CPSF4: variants seen among roughly 807,000 people sequenced by gnomAD.
The protein encoded by CPSF4 is cleavage and polyadenylation specific factor 4.
Under a neutral mutation model 37.7 loss-of-function variants are expected in CPSF4, and 11 were observed. The observed-to-expected ratio is 0.29, with a 90% CI of 0.18 to 0.48. The LOEUF (loss-of-function observed/expected upper bound fraction) is 0.48, where lower values mean the gene tolerates loss of function less well. CPSF4 is among the 20% of genes least tolerant of loss of function. The pLI is 0.99. For missense variants in CPSF4, 144 were observed against 359.5 expected (o/e 0.40, Z 4.85); for synonymous variants, 132 against 135.9 (o/e 0.97, Z 0.20).
At chr7:99,447,839 T>C in intron 2 of CPSF4, 1 of 502,914 alleles carries the variant, frequency 2.0e-6, no homozygotes. Context: ...CTCGATCTCC[T>C]GACCTTGTGA....
At position 99,439,190 on chromosome 7, in the gene CPSF4, G is replaced by T; in HGVS notation, c.103+5G>T. 6.3e-7 allele frequency: 1 copy of T among 1,594,986 alleles called. No individual in the cohort carries two copies. Among genetic ancestry groups the T allele is most frequent in the Non-Finnish European group, 8.5e-7 (1 of 1,173,950 alleles). On this transcript the variant is annotated splice_donor_5th_base_variant and intron_variant, in intron 1 of 7. Transcript: ENST00000292476. ...TGCCCTTCCCCGGCATGGACAGTGAGCGCGGGGCCCGGGCGGGAGGGCAAG... is the reference window on the plus strand; with the variant it reads ...TGCCCTTCCCCGGCATGGACAGTGATCGCGGGGCCCGGGCGGGAGGGCAAG...
chr7:99,439,299 A>C (rs1341483318), intron 1 of CPSF4, 114 bp downstream of exon 1: 4 of 697,438 alleles, frequency 5.7e-6, no homozygotes, highest in African/African-American at 3.7e-5. Context: ...CTTCCTCTGG[A>C]TCCTGGGACC....
chr7:99,454,375 G>C, intron 7 of CPSF4, among the ~76,000 whole-genome samples: 1 of 152,212 alleles, frequency 6.6e-6, no homozygotes, highest in East Asian at 1.9e-4. Context: ...GTGAATGGAC[G>C]GGGCCTGCAG....
At chr7:99,441,620 C>T in intron 1 of CPSF4, 1 of 434,734 alleles carries the variant, frequency 2.3e-6, no homozygotes, top group South Asian at 1.6e-5. Flanking sequence ...AGACTCAGTT[C>T]CCAGAACTGT....
chr7:99,448,459 C>CA lies in CPSF4; in HGVS notation c.307+186_307+187insA. The CA allele has an allele frequency of 9.3e-6, 3 of 320,912 alleles. No individual in the cohort carries two copies. Among genetic ancestry groups the CA allele is most frequent in the Middle Eastern group, 9.3e-4 (1 of 1,076 alleles). The allele number at this position is 320,912 out of a possible 1,614,324, so 19.9% of individuals were successfully genotyped here. On this transcript the variant is annotated intron_variant, in intron 3 of 7. Transcript: ENST00000292476. The surrounding 1 kb of genome is among the most constrained non-coding windows in gnomAD (Gnocchi z 4.4). ...CAGTGTGGCTATTTTCTGCTCATCTCTTTTTTTTTTTTTTTTTTTTTAAAG... is the reference window on the plus strand; with the variant it reads ...CAGTGTGGCTATTTTCTGCTCATCTCATTTTTTTTTTTTTTTTTTTTTAAAG...
At position 99,456,530 on chromosome 7, in the gene CPSF4, G is replaced by A. The variant is rs199965995; in HGVS notation, c.*30G>A. The A allele has an allele frequency of 1.3e-4, 207 of 1,599,216 alleles. No homozygotes were observed. Among genetic ancestry groups the A allele is most frequent in the East Asian group, 2.5e-4 (11 of 44,800 alleles). On this transcript the variant is annotated 3_prime_UTR_variant, in exon 8 of 8. Transcript: ENST00000292476. ...AGCTGGAGCCAGCTCCGAGCAGCCC[G>A]GGGGCCCCGCTGTTGGGAGTGTGCA...
chr7:99,456,220 G>A (rs1312481284), intron 7 of CPSF4, among the ~76,000 whole-genome samples: 3 of 152,228 alleles, frequency 2.0e-5, no homozygotes, highest in Non-Finnish European at 4.4e-5. Context: ...CGGAGTTGCT[G>A]GCTAGTTTCT....
chr7:99,442,028 C>G (rs1488123861), intron 1 of CPSF4, among the ~76,000 whole-genome samples: 1 of 152,134 alleles, frequency 6.6e-6, no homozygotes, highest in Non-Finnish European at 1.5e-5. Flanking sequence ...GGAGTGACCT[C>G]CCTGTGACAG....
At chr7:99,452,248 TG>T in intron 5 of CPSF4, 119 bp from the exon 6 acceptor site, 2 of 834,932 alleles carry the variant, frequency 2.4e-6, no homozygotes, top group South Asian at 1.5e-5. Flanking sequence ...CACTTTGTGC[TG>T]GGGCAGCTGA....
At position 99,456,665 on chromosome 7, in the gene CPSF4, C is replaced by G. The variant is rs951681615; in HGVS notation, c.*165C>G. ...GTCTGTTAGTTTCCTATCATTTTGC[C>G]TTAGTATTTTTTGAAAAAGGGACAT... On this transcript the variant is annotated 3_prime_UTR_variant, in exon 8 of 8. Coordinates refer to ENST00000292476, the MANE Select transcript of CPSF4 (RefSeq NM_006693.4). The G allele has an allele frequency of 1.4e-6, 1 of 703,496 alleles. No homozygotes were observed. The highest frequency in any genetic ancestry group is 2.0e-5 in the Admixed American group (1 of 49,482). The allele number at this position is 703,496 out of a possible 1,614,324, so 43.6% of individuals were successfully genotyped here.
Position 99,444,803 on chromosome 7 carries a change from G to C in CPSF4, c.118G>C (p.Val40Leu). 6.2e-7 allele frequency: 1 copy of C among 1,613,874 alleles called. No individual in the cohort carries two copies. The highest frequency in any genetic ancestry group is 8.5e-7 in the Non-Finnish European group (1 of 1,179,878). ...CCTTTCTACAGAGTCGGGCGCTGCT[G>C]TCTGTGAATTCTTTTTGAAAGCTGC... ...FPGMDKSGAA[V>L]CEFFLKAACG... The change falls in exon 2 of 8, where the codon GTC becomes CTC. Residue 40 changes from valine (V) to leucine (L), a missense_variant. Coordinates refer to ENST00000292476, the MANE Select transcript of CPSF4 (RefSeq NM_006693.4).
intron 5 of CPSF4, 146 bp from the exon 6 acceptor site, chr7:99,452,222 T>C (rs1164373544): frequency 4.1e-6 from 3 of 729,134 alleles, no homozygotes; most frequent in African/African-American, 1.7e-5. Flanking sequence ...ACCCCATCCA[T>C]GCAGCTTGTG....
intron 1 of CPSF4, among the ~76,000 whole-genome samples, chr7:99,440,682 T>TTTTTTTTG (rs1554362661): frequency 5.0e-5 from 5 of 99,802 alleles, no homozygotes; most frequent in African/African-American, 3.2e-4. Flanking sequence ...ATATTTTTTT[T>TTTTTTTTG]TTTTTTTTTT....
At chr7:99,441,421 T>C in intron 1 of CPSF4, 1 of 456,258 alleles carries the variant, frequency 2.2e-6, no homozygotes, top group South Asian at 1.5e-5. Flanking sequence ...CACCTAGCCA[T>C]GGGTGTTGCT....
chr7:99,452,684 G>A (rs542223083), intron 6 of CPSF4: 8 of 497,632 alleles, frequency 1.6e-5, no homozygotes, highest in South Asian at 7.4e-5. Context: ...TCCAGGCGCC[G>A]TGCAACTGGC....
intron 1 of CPSF4, chr7:99,439,409 A>G (rs1796677957): frequency 2.1e-6 from 1 of 467,336 alleles, no homozygotes; most frequent in African/African-American, 2.0e-5. Context: ...GAACTCCCTC[A>G]TCTGTGGTCC....
chr7:99,454,120 A>G lies in CPSF4; in HGVS notation c.725A>G (p.Gln242Arg). The change falls in exon 7 of 8, where the codon CAG (glutamine) becomes CGG (arginine). Residue 242 changes from glutamine to arginine, a missense_variant. Gln to Arg is a conservative substitution (Grantham distance 43, BLOSUM62 1). Transcript: ENST00000292476. ...AGNRGPRPLE[Q>R]VTCYKCGEKG... is the part of the protein sequence containing the mutation. ...AACCGGGGACCCCGGCCACTGGAGCAGGTCACCTGTTACAAGGTGAGTCCC... is the reference window on the plus strand; with the variant it reads ...AACCGGGGACCCCGGCCACTGGAGCGGGTCACCTGTTACAAGGTGAGTCCC... 3 of 1,613,882 alleles carry G rather than the reference A, an allele frequency of 1.9e-6. No individual in the cohort carries two copies. Among genetic ancestry groups the G allele is most frequent in the Non-Finnish European group, 2.5e-6 (3 of 1,179,894 alleles).
Position 99,444,949 on chromosome 7 carries a change from C to T in CPSF4, c.154+110C>T. The stretch of plus-strand genomic sequence containing the variant: ...TCTGGCTTACATTGCTTTCTACAGA[C>T]TAACGATCTCTGTAGATAAAACTGG... On this transcript the variant is annotated intron_variant, in intron 2 of 7. Transcript: ENST00000292476. 3.3e-6 allele frequency: 3 copies of T among 918,810 alleles called. No homozygotes were observed. In the South Asian group the frequency reaches 4.1e-5, roughly 13 times the overall value. 56.9% of individuals were successfully genotyped at this position (918,810 alleles called of 1,614,324 possible).
chr7:99,443,790 A>G (rs1390833880), intron 1 of CPSF4, among the ~76,000 whole-genome samples: 1 of 152,044 alleles, frequency 6.6e-6, no homozygotes, highest in Non-Finnish European at 1.5e-5. Flanking sequence ...GCATGATGGT[A>G]CACCTATAAT....
Sources: gnomAD v4.1 joint callset for allele counts (sites outside exome capture counted in the v4.1 genomes callset) on GRCh38, gnomAD v4.1.1 for gene constraint, Gnocchi (gnomAD v3.1) non-coding constraint, MANE v1.5 for transcripts, NCBI Gene and HGNC (gene_info 2026-07-23, HGNC 2026-07-21) for gene names.